ACAA2: variants seen among roughly 807,000 people sequenced by gnomAD.
The protein encoded by ACAA2 is 3-ketoacyl-CoA thiolase, mitochondrial.
ACAA2 carries 35 observed loss-of-function variants against 44.8 expected under a neutral mutation model. The ratio of observed to expected loss-of-function variants is 0.78; its 90% CI spans 0.60 to 1.04. The LOEUF (loss-of-function observed/expected upper bound fraction) is 1.04, where lower values mean the gene tolerates loss of function less well. ACAA2 is among the 50% of genes least tolerant of loss of function. The pLI, the probability that ACAA2 is intolerant of heterozygous loss-of-function variation, is 0.00. For missense variants in ACAA2, 468 were observed against 482.6 expected (o/e 0.97, Z 0.28); for synonymous variants, 142 against 166.5 (o/e 0.85, Z 1.13).
intron 1 of ACAA2, among the ~76,000 whole-genome samples, chr18:49,805,153 C>CT (rs1189720160): frequency 2.0e-5 from 3 of 152,154 alleles, no homozygotes; most frequent in African/African-American, 7.2e-5. Flanking sequence ...AATTATGGGA[C>CT]TTTCGGCAAT....
intron 6 of ACAA2, 43 bp from the exon 7 acceptor site, chr18:49,791,642 C>A (rs372156067): frequency 2.5e-6 from 4 of 1,598,102 alleles, no homozygotes; most frequent in Non-Finnish European, 3.4e-6. Flanking sequence ...CTAAAATAAT[C>A]CAGTTAATCA....
intron 8 of ACAA2, chr18:49,786,460 T>C (rs200440253): frequency 6.6e-6 from 1 of 152,224 alleles, no homozygotes; most frequent in Non-Finnish European, 1.5e-5. Context: ...TCTTTGAGGC[T>C]CTGAACTGTG....
intron 4 of ACAA2, among the ~76,000 whole-genome samples, chr18:49,794,708 G>C (rs1008827293): frequency 6.6e-6 from 1 of 152,198 alleles, no homozygotes; most frequent in South Asian, 2.1e-4. Context: ...TGAGATCACA[G>C]AAGTTACCCT....
chr18:49,811,188 C>T (rs1013721529), intron 1 of ACAA2, among the ~76,000 whole-genome samples: 1 of 151,778 alleles, frequency 6.6e-6, no homozygotes, highest in Non-Finnish European at 1.5e-5. Context: ...CCAAGTAGCT[C>T]CAAGAAAGGC....
rs2023408961 is a variant in ACAA2, at chr18:49,792,136, G to A, written c.753+16C>T. ...CACCAGGAAGAATTCAAGCTAATCT[G>A]TGTGGTGATACCAACCGATGCATTC... On this transcript the variant is annotated intron_variant, in intron 6 of 9. Transcript: ENST00000285093. 1.2e-6 allele frequency: 2 copies of A among 1,605,498 alleles called. No individual in the cohort carries two copies. Among genetic ancestry groups the A allele is most frequent in the Non-Finnish European group, 1.7e-6 (2 of 1,173,366 alleles).
intron 7 of ACAA2, among the ~76,000 whole-genome samples, chr18:49,790,974 A>G (rs1310684876): frequency 6.6e-6 from 1 of 152,176 alleles, no homozygotes; most frequent in Non-Finnish European, 1.5e-5. Flanking sequence ...CTTGTAAGAC[A>G]ACCTCCCTAA....
intron 7 of ACAA2, among the ~76,000 whole-genome samples, chr18:49,788,526 ACTGATTTACTACAGGAT>A (rs1489209238): frequency 6.9e-6 from 1 of 144,392 alleles, no homozygotes; most frequent in Non-Finnish European, 1.5e-5. Context: ...TACTACAGCT[ACTGATTTACTACAGGAT>A]CTGATTCCAG....
intron 7 of ACAA2, among the ~76,000 whole-genome samples, chr18:49,790,513 C>T (rs1032723418): frequency 3.3e-5 from 5 of 152,162 alleles, no homozygotes; most frequent in African/African-American, 1.2e-4. Flanking sequence ...CAAAAAAGGG[C>T]TAAACAATCT....
chr18:49,796,965 AGT>A (rs1568587644), intron 3 of ACAA2, among the ~76,000 whole-genome samples: 2 of 87,254 alleles, frequency 2.3e-5, no homozygotes, highest in African/African-American at 1.0e-4. Flanking sequence ...AAAATATTGA[AGT>A]ATATATATAT....
chr18:49,787,116 A>C lies in ACAA2; in HGVS notation c.954+175T>G, dbSNP rs1402490254. 2.6e-5 allele frequency among the ~76,000 whole-genome samples: 4 copies of C among 152,280 alleles called. No homozygotes were observed. In the East Asian group the frequency reaches 7.7e-4, roughly 29 times the overall value. ...AAAGCATGTTAACCAGGTGGGGAAA[A>C]GTATCAACACAAGGCATCTAATGAA... On this transcript the variant is annotated intron_variant, in intron 8 of 9. Transcript: ENST00000285093.
rs1437542488 is a variant in ACAA2 at position 49,795,779 on chromosome 18, C to T, written c.415G>A (p.Gly139Arg). The T allele has an allele frequency of 1.2e-6, 2 of 1,603,846 alleles. No homozygotes were observed. The highest frequency in any genetic ancestry group is 2.2e-5 in the East Asian group (1 of 44,524). Residue 139 changes from glycine (G) to arginine (R), a missense_variant, in exon 4 of 10, where the codon GGA (glycine) becomes AGA (arginine). Coordinates refer to ENST00000285093, the MANE Select transcript of ACAA2 (RefSeq NM_006111.3). ...ATGGTTCCAACCTTGATATCTGATC[C>T]AAGCTTGGTTCCAAAACGCACATTT... ...VRNVRFGTKLGSDIKLEDSLW... is the reference protein window; with the variant it reads ...VRNVRFGTKLRSDIKLEDSLW...
intron 7 of ACAA2, among the ~76,000 whole-genome samples, chr18:49,790,532 T>C (rs2023386029): frequency 6.6e-6 from 1 of 152,224 alleles, no homozygotes; most frequent in Non-Finnish European, 1.5e-5. Context: ...CTGAAATCTA[T>C]ACCCTAGGGC....
intron 1 of ACAA2, among the ~76,000 whole-genome samples, chr18:49,804,673 G>T (rs1174131116): frequency 6.6e-6 from 1 of 152,120 alleles, no homozygotes; most frequent in Non-Finnish European, 1.5e-5. Context: ...TAATCACAAA[G>T]AATAGAGGAA....
rs7237038 is a variant in ACAA2, at chr18:49,786,888, C to T, written c.954+403G>A. ...ATTTAAGGGAGGGGGCTCTATCTGG[C>T]GAGAAGGGCAAGAAACTTGTAGATT... On this transcript the variant is annotated intron_variant, in intron 8 of 9. Transcript: ENST00000285093. Among the ~76,000 whole-genome samples, 1,212 of 152,156 alleles carry T rather than the reference C, an allele frequency of 8.0e-3. 10 individuals carry two copies. Among genetic ancestry groups the T allele is most frequent in the African/African-American group, 0.027 (1,116 of 41,512 alleles).
intron 2 of ACAA2, among the ~76,000 whole-genome samples, chr18:49,801,772 C>A (rs1036327682): frequency 2.7e-5 from 3 of 111,432 alleles, no homozygotes; most frequent in African/African-American, 1.0e-4. Context: ...TAAGATATAT[C>A]ACAGAAACTG....
intron 1 of ACAA2, among the ~76,000 whole-genome samples, chr18:49,812,274 C>T (rs1398209180): frequency 6.6e-6 from 1 of 152,210 alleles, no homozygotes; most frequent in Non-Finnish European, 1.5e-5. Context: ...CAATGCTTAG[C>T]TGGCATCTCC....
intron 2 of ACAA2, among the ~76,000 whole-genome samples, chr18:49,800,213 G>A (rs969003330): frequency 1.4e-5 from 2 of 142,218 alleles, no homozygotes; most frequent in Non-Finnish European, 3.0e-5. Flanking sequence ...CGCCCCGTCC[G>A]GGAGGTGGGG....
rs2023291469 is a variant in ACAA2 at position 49,783,629 on chromosome 18, C to T, written c.*218G>A. On this transcript the variant is annotated 3_prime_UTR_variant, in exon 10 of 10. Coordinates refer to ENST00000285093, the MANE Select transcript of ACAA2 (RefSeq NM_006111.3). ...ATAGTTGAGTTTTAGCTCAGAAATA[C>T]ATCATATTTCACTGGTTCAAATCTG... 9 of 486,018 alleles carry T rather than the reference C, an allele frequency of 1.9e-5. No individual in the cohort carries two copies. In the Admixed American group the frequency reaches 2.0e-4, roughly 11 times the overall value. 30.1% of individuals were successfully genotyped at this position (486,018 alleles called of 1,614,324 possible).
chr18:49,790,605 A>G (rs970800414), intron 7 of ACAA2, among the ~76,000 whole-genome samples: 5 of 152,188 alleles, frequency 3.3e-5, no homozygotes, highest in African/African-American at 1.2e-4. Context: ...CTGAGCACCA[A>G]ATTTTATTTT....
Sources: gnomAD v4.1 joint callset for allele counts (sites outside exome capture counted in the v4.1 genomes callset) on GRCh38, gnomAD v4.1.1 for gene constraint, MANE v1.5 for transcripts, NCBI Gene and HGNC (gene_info 2026-07-23, HGNC 2026-07-21) for gene names.